The following DOCK3 variants were observed in gnomAD, a reference collection of about 807,000 sequenced individuals.
The protein encoded by DOCK3 is dedicator of cytokinesis protein 3.
In DOCK3, 60 loss-of-function variants were observed where a neutral mutation model predicts 265.6. The observed-to-expected ratio is 0.23, with a 90% CI of 0.18 to 0.28. The LOEUF (loss-of-function observed/expected upper bound fraction) is 0.28. Ranked by LOEUF, DOCK3 falls within the 10% of genes least tolerant of loss-of-function variation. The pLI is 1.00. For synonymous variants in DOCK3, 881 were observed against 938.0 expected (o/e 0.94, Z 1.11); for missense variants, 1,981 against 2,594.3 (o/e 0.76, Z 5.14).
At chr3:51,136,047 A>G (rs1576199127) in intron 9 of DOCK3, among the ~76,000 whole-genome samples, 1 of 152,066 alleles carries the variant, frequency 6.6e-6, no homozygotes, top group East Asian at 1.9e-4. Context: ...GCTTCCCCAT[A>G]CAATAAGCTA....
Position 51,312,016 on chromosome 3 carries a change from T to C in DOCK3, c.3030T>C (p.Thr1010=), listed in dbSNP as rs1408869676. The change falls in exon 29 of 53, where the codon ACT becomes ACC. Residue 1010 remains threonine (T), a synonymous_variant. Transcript: ENST00000266037. ...MRLLTSNIIV[T]TVQYLSSALH... ...TTCCTTACTGCAGTATTATAGTCAC[T>C]ACTGTCCAGTACCTGTCCTCTGCAC... The C allele has an allele frequency of 1.2e-6, 2 of 1,603,278 alleles. No homozygotes were observed. The highest frequency in any genetic ancestry group is 1.7e-4 in the Middle Eastern group (1 of 6,054).
chr3:50,965,910 T>A (rs1381620635), intron 5 of DOCK3, among the ~76,000 whole-genome samples: 1 of 152,192 alleles, frequency 6.6e-6, no homozygotes, highest in Non-Finnish European at 1.5e-5. Context: ...AGCACACATG[T>A]TGTGCATTAG....
intron 4 of DOCK3, among the ~76,000 whole-genome samples, chr3:50,911,503 C>A (rs1336270422): frequency 6.6e-6 from 1 of 152,036 alleles, no homozygotes; most frequent in African/African-American, 2.4e-5. Context: ...TATTCTGTTT[C>A]ATTGCTCTAT....
intron 23 of DOCK3, among the ~76,000 whole-genome samples, chr3:51,263,047 T>G (rs2079947580): frequency 6.6e-6 from 1 of 152,094 alleles, no homozygotes; most frequent in Non-Finnish European, 1.5e-5. Flanking sequence ...AGGCCAACAT[T>G]CAAATTCAGG....
chr3:50,778,760 T>C lies in DOCK3; in HGVS notation c.121+2T>C. On this transcript the variant is annotated splice_donor_variant, in intron 2 of 52. Coordinates refer to ENST00000266037, the MANE Select transcript of DOCK3 (RefSeq NM_004947.5). LOFTEE classifies it high-confidence loss of function. ...TCCAGATTCTTGAAAAATGTGAAGG[T>C]GAGTATGGACCTACAAAGCACATAA... The C allele has an allele frequency of 6.4e-7, 1 of 1,567,344 alleles. No homozygotes were observed. The highest frequency in any genetic ancestry group is 8.7e-7 in the Non-Finnish European group (1 of 1,153,098).
At chr3:50,989,652 T>C (rs1159055995) in intron 5 of DOCK3, among the ~76,000 whole-genome samples, 1 of 147,136 alleles carries the variant, frequency 6.8e-6, no homozygotes, top group Non-Finnish European at 1.5e-5. Flanking sequence ...GTCTATTGAC[T>C]GTACTCAATC....
intron 1 of DOCK3, among the ~76,000 whole-genome samples, chr3:50,774,364 C>T (rs2609006): frequency 0.094 from 14,345 of 151,910 alleles, 837 homozygotes; most frequent in Non-Finnish European, 0.12. Flanking sequence ...ATGATATATG[C>T]TTATATTAGG....
chr3:50,853,560 G>C (rs971373377), intron 3 of DOCK3, among the ~76,000 whole-genome samples: 6 of 151,924 alleles, frequency 3.9e-5, no homozygotes, highest in Middle Eastern at 6.8e-3. Flanking sequence ...GAGAACTTGT[G>C]GTATTTTTTT....
intron 5 of DOCK3, among the ~76,000 whole-genome samples, chr3:51,032,668 G>C (rs962381574): frequency 2.0e-5 from 3 of 152,048 alleles, no homozygotes; most frequent in Non-Finnish European, 4.4e-5. Flanking sequence ...AGCTACTCAG[G>C]AGGCTGAGGC....
chr3:50,752,217 C>G (rs1183061372), intron 1 of DOCK3, among the ~76,000 whole-genome samples: 2 of 152,020 alleles, frequency 1.3e-5, no homozygotes, highest in Non-Finnish European at 2.9e-5. Flanking sequence ...AGATAAACTA[C>G]TTAGCGACTA....
intron 9 of DOCK3, among the ~76,000 whole-genome samples, chr3:51,091,649 C>CTA (rs2082642553): frequency 7.5e-6 from 1 of 133,336 alleles, no homozygotes; most frequent in South Asian, 2.4e-4. Flanking sequence ...TGCCACTGCA[C>CTA]TATAGCCCAG....
intron 2 of DOCK3, among the ~76,000 whole-genome samples, chr3:50,794,160 T>G (rs1310146234): frequency 1.3e-5 from 2 of 152,216 alleles, no homozygotes; most frequent in African/African-American, 4.8e-5. Context: ...GAGTATGTGG[T>G]CAATTTTAGA....
At chr3:51,273,174 AAAAG>A (rs1197740582) in intron 24 of DOCK3, among the ~76,000 whole-genome samples, 6 of 152,094 alleles carry the variant, frequency 3.9e-5, no homozygotes, top group South Asian at 4.2e-4. Flanking sequence ...AAAAAAAAAA[AAAAG>A]AAAGAAAATG....
At chr3:50,756,764 T>G (rs537013294) in intron 1 of DOCK3, among the ~76,000 whole-genome samples, 1 of 152,362 alleles carries the variant, frequency 6.6e-6, no homozygotes, top group African/African-American at 2.4e-5. Flanking sequence ...TTGATTAGCA[T>G]TTCACCAATT....
chr3:50,895,811 C>T (rs2048867213), intron 4 of DOCK3, among the ~76,000 whole-genome samples: 1 of 152,134 alleles, frequency 6.6e-6, no homozygotes, highest in Non-Finnish European at 1.5e-5. Flanking sequence ...TTATGGTTTC[C>T]AGCTTCATCT....
At chr3:50,753,761 T>C (rs978650465) in intron 1 of DOCK3, among the ~76,000 whole-genome samples, 1 of 152,332 alleles carries the variant, frequency 6.6e-6, no homozygotes, top group African/African-American at 2.4e-5. Context: ...TACTATGTTA[T>C]TATATTGCAA....
At chr3:50,815,421 A>G (rs889371337) in intron 2 of DOCK3, among the ~76,000 whole-genome samples, 3 of 152,188 alleles carry the variant, frequency 2.0e-5, no homozygotes, top group African/African-American at 7.2e-5. Flanking sequence ...AAATGAAACT[A>G]TTAGACCATA....
At chr3:51,067,903 T>A (rs1388066589) in intron 6 of DOCK3, among the ~76,000 whole-genome samples, 1 of 152,228 alleles carries the variant, frequency 6.6e-6, no homozygotes, top group Non-Finnish European at 1.5e-5. Flanking sequence ...ACACAAAAGC[T>A]GAGAACAGAT....
chr3:51,120,916 A>T (rs1345105688), intron 9 of DOCK3, among the ~76,000 whole-genome samples: 1 of 152,154 alleles, frequency 6.6e-6, no homozygotes, highest in Admixed American at 6.5e-5. Context: ...TGAGGGTGGG[A>T]TCCGCTGAGC....
Sources: gnomAD v4.1 joint callset for allele counts (sites outside exome capture counted in the v4.1 genomes callset) on GRCh38, gnomAD v4.1.1 for gene constraint, MANE v1.5 for transcripts, NCBI Gene and HGNC (gene_info 2026-07-23, HGNC 2026-07-21) for gene names.